EIF4EBP1: variants seen among roughly 807,000 people sequenced by gnomAD.
The protein encoded by EIF4EBP1 is eukaryotic translation initiation factor 4E binding protein 1, also known as eukaryotic translation initiation factor 4E-binding protein 1.
EIF4EBP1 carries 5 observed loss-of-function variants against 9.2 expected under a neutral mutation model. That is an observed-to-expected ratio of 0.54 (90% CI 0.28 to 1.14). EIF4EBP1 has a LOEUF of 1.14. Among genes scored for constraint, EIF4EBP1 ranks in the 50% most tolerant of loss-of-function variants. The pLI, the probability that EIF4EBP1 is intolerant of heterozygous loss-of-function variation, is 0.09. For synonymous variants in EIF4EBP1, 62 were observed against 67.0 expected (o/e 0.93, Z 0.36); for missense variants, 139 against 169.6 (o/e 0.82, Z 1.00).
chr8:38,033,062 C>CTTTTTTTTTTTTTTTTTT (rs765781155), intron 1 of EIF4EBP1, among the ~76,000 whole-genome samples: 4 of 125,460 alleles, frequency 3.2e-5, no homozygotes, highest in African/African-American at 2.9e-5. Context: ...TTCTTTCTTT[C>CTTTTTTTTTTTTTTTTTT]TTTTTTTTTT....
intron 2 of EIF4EBP1, among the ~76,000 whole-genome samples, chr8:38,059,580 C>T (rs868232136): frequency 1.5e-4 from 23 of 151,918 alleles, no homozygotes; most frequent in African/African-American, 4.1e-4. Flanking sequence ...GGCAAAACCC[C>T]GGGTCTACTA....
chr8:38,055,188 T>G (rs1809580111), intron 1 of EIF4EBP1, among the ~76,000 whole-genome samples: 1 of 152,140 alleles, frequency 6.6e-6, no homozygotes, highest in Non-Finnish European at 1.5e-5. Context: ...TCTCACGTCA[T>G]CCTCAGCACA....
intron 1 of EIF4EBP1, 76 bp downstream of exon 1, chr8:38,030,794 G>T: frequency 7.3e-7 from 1 of 1,369,318 alleles, no homozygotes; most frequent in Non-Finnish European, 9.4e-7. Flanking sequence ...ATTGGACCGG[G>T]TGTCCAGGCT....
intron 1 of EIF4EBP1, among the ~76,000 whole-genome samples, chr8:38,042,958 G>C (rs1563415715): frequency 6.6e-6 from 1 of 152,162 alleles, no homozygotes; most frequent in Admixed American, 6.5e-5. Context: ...TCAGCTACCA[G>C]GAGGAGGCTG....
At chr8:38,033,083 G>A (rs79981065) in intron 1 of EIF4EBP1, among the ~76,000 whole-genome samples, 1 of 38,840 alleles carries the variant, frequency 2.6e-5, no homozygotes, top group Non-Finnish European at 5.0e-5. Flanking sequence ...TTTTTTTTTT[G>A]AGACAGGGTC....
intron 1 of EIF4EBP1, among the ~76,000 whole-genome samples, chr8:38,038,423 G>C (rs184734189): frequency 1.4e-5 from 2 of 147,508 alleles, no homozygotes; most frequent in Non-Finnish European, 3.0e-5. Context: ...CAGAAGAATC[G>C]CTTGAACCCG....
In EIF4EBP1 at chr8:38,059,971, C is replaced by T; in HGVS notation, c.*36C>T. On this transcript the variant is annotated 3_prime_UTR_variant, in exon 3 of 3. Coordinates refer to ENST00000338825, the MANE Select transcript of EIF4EBP1 (RefSeq NM_004095.4). The stretch of plus-strand genomic sequence containing the variant: ...ATCGTGTGGAGCACTACCAAGGGGC[C>T]CCTCAGGGCCTTCCTGGGAGGAGTC... 1 of 1,605,814 alleles carries T rather than the reference C, an allele frequency of 6.2e-7. No individual in the cohort carries two copies. Among genetic ancestry groups the T allele is most frequent in the Non-Finnish European group, 8.5e-7 (1 of 1,172,454 alleles).
At chr8:38,049,849 A>T (rs1222566212) in intron 1 of EIF4EBP1, among the ~76,000 whole-genome samples, 1 of 151,488 alleles carries the variant, frequency 6.6e-6, no homozygotes, top group Non-Finnish European at 1.5e-5. Context: ...ACTTCCTGCC[A>T]TCCAATATTG....
chr8:38,048,886 T>TG (rs1302886591), intron 1 of EIF4EBP1, among the ~76,000 whole-genome samples: 6 of 151,998 alleles, frequency 3.9e-5, no homozygotes, highest in African/African-American at 1.4e-4. Flanking sequence ...CCCTGCACTT[T>TG]GGGAGGCCGA....
At chr8:38,058,294 C>G (rs1213602003) in intron 2 of EIF4EBP1, among the ~76,000 whole-genome samples, 1 of 152,156 alleles carries the variant, frequency 6.6e-6, no homozygotes, top group African/African-American at 2.4e-5. Context: ...CTGGTGAGGG[C>G]CTCCTGCTGC....
At chr8:38,048,304 G>A (rs1348329472) in intron 1 of EIF4EBP1, among the ~76,000 whole-genome samples, 1 of 151,740 alleles carries the variant, frequency 6.6e-6, no homozygotes, top group East Asian at 1.9e-4. Flanking sequence ...AAAATTAAAA[G>A]TAAACATTTG....
chr8:38,048,819 A>G (rs1809478925), intron 1 of EIF4EBP1, among the ~76,000 whole-genome samples: 1 of 151,880 alleles, frequency 6.6e-6, no homozygotes, highest in Non-Finnish European at 1.5e-5. Flanking sequence ...CAAAAATAAA[A>G]TTTGATTTAA....
rs374901070 is a variant in EIF4EBP1, at chr8:38,053,860, G to A, written c.146-3221G>A. Among the ~76,000 whole-genome samples, 19 of 152,320 alleles carry A rather than the reference G, an allele frequency of 1.2e-4. No homozygotes were observed. In the South Asian group the frequency reaches 3.9e-3, roughly 32 times the overall value. On this transcript the variant is annotated intron_variant, in intron 1 of 2. Coordinates refer to ENST00000338825, the MANE Select transcript of EIF4EBP1 (RefSeq NM_004095.4). ...GATACCTAGAGTAGTCAAATTCAGA[G>A]AGACAGAAAGTAGAACCCTGCTTGC...
intron 1 of EIF4EBP1, among the ~76,000 whole-genome samples, chr8:38,055,052 T>G (rs1809578318): frequency 6.6e-6 from 1 of 152,128 alleles, no homozygotes; most frequent in Non-Finnish European, 1.5e-5. Context: ...TCACTGCCTC[T>G]CCTGCAAGGG....
chr8:38,057,066 C>G lies in EIF4EBP1; in HGVS notation c.146-15C>G. The G allele has an allele frequency of 6.4e-7, 1 of 1,573,662 alleles. No homozygotes were observed. The highest frequency in any genetic ancestry group is 8.6e-7 in the Non-Finnish European group (1 of 1,160,078). ...GGCTGCAGATGGCTTGACCAACCTC[C>G]CTGTTCCCTTCTAGGTACCAGGATC... On this transcript the variant is annotated splice_polypyrimidine_tract_variant and intron_variant, in intron 1 of 2. Coordinates refer to ENST00000338825, the MANE Select transcript of EIF4EBP1 (RefSeq NM_004095.4).
At chr8:38,040,666 G>A (rs975251835) in intron 1 of EIF4EBP1, among the ~76,000 whole-genome samples, 1 of 152,210 alleles carries the variant, frequency 6.6e-6, no homozygotes, top group Non-Finnish European at 1.5e-5. Flanking sequence ...ACAGCTGGAA[G>A]CCTGGGAGTT....
chr8:38,031,535 C>G (rs142614697), intron 1 of EIF4EBP1, among the ~76,000 whole-genome samples: 4 of 152,166 alleles, frequency 2.6e-5, no homozygotes, highest in African/African-American at 9.7e-5. Flanking sequence ...AATAAATCCT[C>G]GTGGCTCTCT....
chr8:38,056,285 C>T (rs1011407310), intron 1 of EIF4EBP1, among the ~76,000 whole-genome samples: 3 of 152,166 alleles, frequency 2.0e-5, no homozygotes, highest in African/African-American at 7.2e-5. Flanking sequence ...AGCTACCACA[C>T]CTGGCAAAAG....
chr8:38,035,993 C>A (rs1809296673), intron 1 of EIF4EBP1, among the ~76,000 whole-genome samples: 1 of 150,994 alleles, frequency 6.6e-6, no homozygotes, highest in African/African-American at 2.4e-5. Context: ...AGCCATGAGT[C>A]ACCGCGCCCG....
Sources: allele counts gnomAD v4.1 joint callset (sites outside exome capture counted in the v4.1 genomes callset), GRCh38; gene constraint gnomAD v4.1.1; transcripts MANE v1.5; gene names NCBI Gene and HGNC (gene_info 2026-07-23, HGNC 2026-07-21).